Variants in PTPRN2 observed in about 807,000 individuals in gnomAD.
PTPRN2 encodes receptor-type tyrosine-protein phosphatase N2.
PTPRN2 carries 74 observed loss-of-function variants against 118.8 expected under a neutral mutation model. That is an observed-to-expected ratio of 0.62 (90% CI 0.52 to 0.76). The LOEUF is 0.76. Among genes scored for constraint, PTPRN2 ranks in the 30% least tolerant of loss-of-function variants. The probability of loss-of-function intolerance (pLI) is 0.00; values close to 1 mark genes in which losing one functional copy is unlikely to be tolerated. For missense variants in PTPRN2, 1,481 were observed against 1,394.4 expected (o/e 1.06, Z -0.99); for synonymous variants, 641 against 608.0 (o/e 1.05, Z -0.80).
intron 2 of PTPRN2, among the ~76,000 whole-genome samples, chr7:158,455,836 C>G (rs1195682948): frequency 3.3e-5 from 5 of 149,286 alleles, no homozygotes; most frequent in Non-Finnish European, 7.4e-5. Context: ...GCCACGGCCA[C>G]CCATTGCTCT....
At chr7:157,879,664 GAGAC>G (rs1270101289) in intron 12 of PTPRN2, among the ~76,000 whole-genome samples, 1 of 151,942 alleles carries the variant, frequency 6.6e-6, no homozygotes, top group African/African-American at 2.4e-5. Flanking sequence ...TGAACCAAGA[GAGAC>G]AGTGTGAACC....
chr7:157,696,531 G>GA (rs1239046485), intron 12 of PTPRN2, among the ~76,000 whole-genome samples: 1 of 139,922 alleles, frequency 7.1e-6, no homozygotes, highest in Non-Finnish European at 1.5e-5. Context: ...TCTTGGCAGA[G>GA]CCCTCACCAT....
chr7:158,475,444 G>GC (rs1179551989), intron 2 of PTPRN2, among the ~76,000 whole-genome samples: 2 of 152,116 alleles, frequency 1.3e-5, no homozygotes, highest in Non-Finnish European at 2.9e-5. Context: ...GGAGAAAGGT[G>GC]ACCTTGTGCA....
intron 3 of PTPRN2, among the ~76,000 whole-genome samples, chr7:158,247,972 G>A (rs112579026): frequency 3.9e-5 from 6 of 152,242 alleles, no homozygotes; most frequent in African/African-American, 1.4e-4. Flanking sequence ...AGAGAGGAGC[G>A]GGAGGGGGAG....
chr7:157,873,555 G>A (rs558048965), intron 12 of PTPRN2, among the ~76,000 whole-genome samples: 2 of 138,956 alleles, frequency 1.4e-5, no homozygotes, highest in East Asian at 2.6e-4. Context: ...CGTCGTGGGG[G>A]CCGGGAGGAG....
chr7:157,671,955 G>A lies in PTPRN2; in HGVS notation c.2001+10770C>T, dbSNP rs1421562538. Among the ~76,000 whole-genome samples, 1 of 152,112 alleles carries A rather than the reference G, an allele frequency of 6.6e-6. No individual in the cohort carries two copies. Among genetic ancestry groups the A allele is most frequent in the Non-Finnish European group, 1.5e-5 (1 of 68,030 alleles). ...CTACGCTGTACCCCAAGAAGGGGACGGGTGGGGCAGCAGCCCTGGAGGAAA... is the reference window on the plus strand; with the variant it reads ...CTACGCTGTACCCCAAGAAGGGGACAGGTGGGGCAGCAGCCCTGGAGGAAA... On this transcript the variant is annotated intron_variant, in intron 13 of 22. Coordinates refer to ENST00000389418, the MANE Select transcript of PTPRN2 (RefSeq NM_002847.5). This position sits in a 1 kb window ranked among gnomAD's most constrained non-coding sequence, Gnocchi z 4.1.
chr7:158,029,687 CA>C, intron 11 of PTPRN2: 1 of 147,710 alleles, frequency 6.8e-6, no homozygotes, highest in Non-Finnish European at 1.5e-5. Context: ...AACACGTTCA[CA>C]GGGGCTGGGA....
chr7:157,705,249 T>C (rs1798266192), intron 12 of PTPRN2, among the ~76,000 whole-genome samples: 1 of 152,180 alleles, frequency 6.6e-6, no homozygotes, highest in African/African-American at 2.4e-5. Flanking sequence ...GAGGTTGCAG[T>C]GAGCCGAGAT....
intron 3 of PTPRN2, among the ~76,000 whole-genome samples, chr7:158,259,676 A>G (rs1281909786): frequency 3.3e-5 from 5 of 152,004 alleles, no homozygotes; most frequent in Non-Finnish European, 7.4e-5. Flanking sequence ...GTACATGTAT[A>G]TATGCATGTG....
intron 12 of PTPRN2, among the ~76,000 whole-genome samples, chr7:157,725,610 C>A (rs13225634): frequency 8.8e-5 from 9 of 102,744 alleles, no homozygotes; most frequent in African/African-American, 2.8e-4. Flanking sequence ...ATACCTACAC[C>A]CAGAGGAGTG....
In PTPRN2 at chr7:157,990,140, G is replaced by C. The variant is rs546676982; in HGVS notation, c.1723+91158C>G. Among the ~76,000 whole-genome samples, 1 of 152,096 alleles carries C rather than the reference G, an allele frequency of 6.6e-6. No individual in the cohort carries two copies. Among genetic ancestry groups the C allele is most frequent in the African/African-American group, 2.4e-5 (1 of 41,480 alleles). Reference sequence around the variant, plus strand: ...TACACCGAGACGAAAACAAGCCCAGGTGAAGCTGCAGCTGGGGACACGAGT... The same window carrying C: ...TACACCGAGACGAAAACAAGCCCAGCTGAAGCTGCAGCTGGGGACACGAGT... On this transcript the variant is annotated intron_variant, in intron 11 of 22. Coordinates refer to ENST00000389418, the MANE Select transcript of PTPRN2 (RefSeq NM_002847.5). This position sits in a 1 kb window ranked among gnomAD's most constrained non-coding sequence, Gnocchi z 4.3.
chr7:158,310,006 T>C (rs1332799704), intron 3 of PTPRN2, among the ~76,000 whole-genome samples: 2 of 152,072 alleles, frequency 1.3e-5, no homozygotes, highest in Non-Finnish European at 2.9e-5. Context: ...ATGCCACCCA[T>C]GAACCAGGAA....
intron 5 of PTPRN2, among the ~76,000 whole-genome samples, chr7:158,188,179 C>T (rs1267657441): frequency 1.3e-4 from 17 of 130,294 alleles, no homozygotes; most frequent in African/African-American, 4.3e-4. Flanking sequence ...CCGCCACGCT[C>T]GCCCCGCGAT....
chr7:157,870,505 C>T (rs1046242753), intron 12 of PTPRN2, among the ~76,000 whole-genome samples: 3 of 152,204 alleles, frequency 2.0e-5, no homozygotes, highest in African/African-American at 7.2e-5. Context: ...TCAATTTTAG[C>T]AGAATTCATG....
intron 11 of PTPRN2, among the ~76,000 whole-genome samples, chr7:158,017,304 TAG>T (rs1806527979): frequency 1.3e-5 from 2 of 152,196 alleles, no homozygotes; most frequent in Non-Finnish European, 2.9e-5. Context: ...CTGGAATCAC[TAG>T]AGAGAGGCTT....
intron 2 of PTPRN2, among the ~76,000 whole-genome samples, chr7:158,320,477 G>C (rs5012914): frequency 0.96 from 145,494 of 151,744 alleles, 69,781 homozygotes; most frequent in African/African-American, 0.97. Context: ...TTTTCACTCC[G>C]AGCAGCTGTG....
At chr7:158,058,801 C>A (rs1394928501) in intron 11 of PTPRN2, among the ~76,000 whole-genome samples, 1 of 116,008 alleles carries the variant, frequency 8.6e-6, no homozygotes, top group Non-Finnish European at 1.7e-5. Flanking sequence ...TCCATCTGCA[C>A]ACAGTGACGC....
At chr7:158,066,451 G>T (rs968817699) in intron 11 of PTPRN2, among the ~76,000 whole-genome samples, 4 of 152,244 alleles carry the variant, frequency 2.6e-5, no homozygotes. Context: ...AAGCTGTGCT[G>T]CTTCCTTTCC....
chr7:157,576,879 G>T, intron 18 of PTPRN2, 100 bp from the exon 19 acceptor site: 1 of 1,223,138 alleles, frequency 8.2e-7, no homozygotes, highest in Admixed American at 2.6e-5. Context: ...GACCAGAGAA[G>T]GGGGCGCTGC....
Sources: gnomAD v4.1 joint callset for allele counts (sites outside exome capture counted in the v4.1 genomes callset) on GRCh38, gnomAD v4.1.1 for gene constraint, Gnocchi (gnomAD v3.1) non-coding constraint, MANE v1.5 for transcripts, NCBI Gene and HGNC (gene_info 2026-07-23, HGNC 2026-07-21) for gene names.